The following ATAD2 variants were observed in gnomAD, a reference collection of about 807,000 sequenced individuals.
ATAD2 encodes the protein ATPase family AAA domain containing 2.
ATAD2 carries 62 observed loss-of-function variants against 168.9 expected under a neutral mutation model. The observed-to-expected ratio is 0.37, with a 90% CI of 0.30 to 0.45. The LOEUF is 0.45. ATAD2 is among the 20% of genes least tolerant of loss of function. The pLI, the probability that ATAD2 is intolerant of heterozygous loss-of-function variation, is 1.00. For missense variants in ATAD2, 1,419 were observed against 1,667.8 expected, an observed-to-expected ratio of 0.85 and a Z score of 2.60; for synonymous variants, 613 against 571.6, an observed-to-expected ratio of 1.07 and a Z score of -1.03.
Position 123,359,277 on chromosome 8 carries a change from C to T in ATAD2, c.1326G>A (p.Val442=), listed in dbSNP as rs754360821. 3 of 1,612,382 alleles carry T rather than the reference C, an allele frequency of 1.9e-6. No individual in the cohort carries two copies. The highest frequency in any genetic ancestry group is 1.7e-5 in the Admixed American group (1 of 59,762). The change falls in exon 11 of 28, where the codon GTG becomes GTA. Residue 442 remains valine (V), a synonymous_variant. Coordinates refer to ENST00000287394, the MANE Select transcript of ATAD2 (RefSeq NM_014109.4). ...CTTCTGGATAAAGTAATGGAAACACCACCATCTCTTTTAGAGCTGCTATAT... is the reference window on the plus strand; with the variant it reads ...CTTCTGGATAAAGTAATGGAAACACTACCATCTCTTTTAGAGCTGCTATAT... ...SNHIAALKEM[V]VFPLLYPEVF...
rs16898247 is a variant in ATAD2 at position 123,345,013 on chromosome 8, G to A, written c.2589C>T (p.His863=). ...APSIVYVPHI[H]VWWEIVGPTL... is the part of the protein sequence containing the mutation. ...TCGGTCCAACTATTTCCCACCACAC[G>A]TGGATATGAGGAACATACACTATAC... Residue 863 remains histidine, a synonymous_variant, in exon 19 of 28, where the codon CAC becomes CAT. Coordinates refer to ENST00000287394, the MANE Select transcript of ATAD2 (RefSeq NM_014109.4). 64,685 of 1,613,838 alleles carry A rather than the reference G, an allele frequency of 0.04. 8,330 individuals carry two copies. In the African/African-American group the frequency reaches 0.45, roughly 11 times the overall value.
At chr8:123,363,054 A>C (rs2129674814) in intron 8 of ATAD2, among the ~76,000 whole-genome samples, 1 of 152,368 alleles carries the variant, frequency 6.6e-6, no homozygotes, top group East Asian at 1.9e-4. Flanking sequence ...CAGAAAAAAC[A>C]AAGAGTCTGG....
intron 1 of ATAD2, among the ~76,000 whole-genome samples, chr8:123,404,008 A>C (rs1813039054): frequency 6.6e-6 from 1 of 152,136 alleles, no homozygotes; most frequent in South Asian, 2.1e-4. Flanking sequence ...ATTATTTTAG[A>C]CACCTGCTAC....
intron 25 of ATAD2, among the ~76,000 whole-genome samples, chr8:123,327,511 T>TA (rs3082714): frequency 1.3e-3 from 186 of 142,126 alleles, no homozygotes; most frequent in Non-Finnish European, 1.1e-3. Flanking sequence ...TATCAGCCAC[T>TA]AAAAAAAAAA....
At chr8:123,391,137 C>G (rs1036744528) in intron 1 of ATAD2, among the ~76,000 whole-genome samples, 2 of 151,008 alleles carry the variant, frequency 1.3e-5, no homozygotes, top group African/African-American at 4.9e-5. Context: ...TTTACAGAAA[C>G]CAAAGAACCT....
intron 24 of ATAD2, among the ~76,000 whole-genome samples, chr8:123,330,425 C>T (rs754454480): frequency 2.0e-5 from 3 of 152,216 alleles, no homozygotes; most frequent in Non-Finnish European, 4.4e-5. Flanking sequence ...AGTGCTGTCA[C>T]CCAGGCTCGG....
intron 1 of ATAD2, among the ~76,000 whole-genome samples, chr8:123,408,795 G>A (rs951743580): frequency 4.0e-5 from 6 of 151,880 alleles, no homozygotes; most frequent in Non-Finnish European, 7.4e-5. Flanking sequence ...GGGATTACAG[G>A]CGTGAGCCAC....
At chr8:123,356,300 T>G in intron 13 of ATAD2, 89 bp downstream of exon 13, 3 of 1,080,704 alleles carry the variant, frequency 2.8e-6, no homozygotes, top group Admixed American at 2.4e-5. Context: ...TTATAAAGTT[T>G]CTTTCACCAT....
intron 11 of ATAD2, among the ~76,000 whole-genome samples, chr8:123,358,343 G>A (rs1272163659): frequency 2.6e-5 from 4 of 151,936 alleles, no homozygotes; most frequent in Admixed American, 1.3e-4. Flanking sequence ...ACCATGCCTG[G>A]CACTTTCTAT....
chr8:123,372,816 CTGCTGGGCT>C, intron 2 of ATAD2, 130 bp from the exon 3 acceptor site: 1 of 659,616 alleles, frequency 1.5e-6, no homozygotes. Context: ...CAGCCTCAAA[CTGCTGGGCT>C]CAAGCAATAC....
intron 1 of ATAD2, among the ~76,000 whole-genome samples, chr8:123,411,362 CAA>C (rs1396852148): frequency 1.3e-5 from 2 of 152,136 alleles, no homozygotes; most frequent in African/African-American, 4.8e-5. Flanking sequence ...TACTACGCCC[CAA>C]TTCAGCAAGA....
intron 1 of ATAD2, among the ~76,000 whole-genome samples, chr8:123,386,614 T>C (rs1311781354): frequency 1.3e-5 from 2 of 152,146 alleles, no homozygotes; most frequent in African/African-American, 4.8e-5. Context: ...ACAATGTGAA[T>C]GTACTTAATG....
chr8:123,345,026 A>G lies in ATAD2; in HGVS notation c.2576T>C (p.Val859Ala). Residue 859 changes from valine to alanine, a missense_variant, in exon 19 of 28, where the codon GTT (valine) becomes GCT (alanine). Transcript: ENST00000287394. ...AKRTAPSIVY[V>A]PHIHVWWEIV... is the part of the protein sequence containing the mutation. ...TTCCCACCACACGTGGATATGAGGA[A>G]CATACACTATACTTGGTGCTGTTCT... 2 of 1,614,014 alleles carry G rather than the reference A, an allele frequency of 1.2e-6. No individual in the cohort carries two copies. The highest frequency in any genetic ancestry group is 1.7e-6 in the Non-Finnish European group (2 of 1,179,880).
intron 5 of ATAD2, 54 bp downstream of exon 5, chr8:123,371,182 T>A: frequency 7.1e-7 from 1 of 1,406,682 alleles, no homozygotes; most frequent in Admixed American, 2.1e-5. Flanking sequence ...TTAGGTACTA[T>A]AAAAAAATTA....
chr8:123,378,422 G>A (rs1002128047), intron 2 of ATAD2, among the ~76,000 whole-genome samples: 40 of 152,030 alleles, frequency 2.6e-4, no homozygotes, highest in Admixed American at 2.6e-4. Flanking sequence ...AAAATTCCAG[G>A]CCAGCGCAGT....
chr8:123,379,036 G>A (rs553936456), intron 2 of ATAD2, among the ~76,000 whole-genome samples: 1 of 151,974 alleles, frequency 6.6e-6, no homozygotes, highest in Non-Finnish European at 1.5e-5. Context: ...CGACCGAAGT[G>A]ATCCTTCTGC....
Position 123,320,509 on chromosome 8 carries a change from A to C in ATAD2, c.*625T>G, listed in dbSNP as rs1210964309. 3.3e-5 allele frequency: 5 copies of C among 152,192 alleles called. No individual in the cohort carries two copies. The highest frequency in any genetic ancestry group is 3.3e-4 in the Admixed American group (5 of 15,274). 9.4% of individuals were successfully genotyped at this position (152,192 alleles called of 1,614,324 possible). The stretch of plus-strand genomic sequence containing the variant: ...TACAAAAGTAAACCAAGAAATATTT[A>C]AAATCTTTATTAACCCAAATTAGAA... On this transcript the variant is annotated 3_prime_UTR_variant, in exon 28 of 28. Coordinates refer to ENST00000287394, the MANE Select transcript of ATAD2 (RefSeq NM_014109.4).
At chr8:123,343,795 AAG>A (rs1828144075) in intron 19 of ATAD2, among the ~76,000 whole-genome samples, 1 of 152,190 alleles carries the variant, frequency 6.6e-6, no homozygotes, top group South Asian at 2.1e-4. Flanking sequence ...GAAAAGGGAA[AAG>A]AGTGTGATGG....
In ATAD2 at chr8:123,396,441, G is replaced by T; in HGVS notation, c.-84C>A. 1.5e-6 allele frequency: 2 copies of T among 1,360,040 alleles called. No individual in the cohort carries two copies. The highest frequency in any genetic ancestry group is 1.9e-6 in the Non-Finnish European group (2 of 1,039,286). 84.2% of individuals were successfully genotyped at this position (1,360,040 alleles called of 1,614,324 possible). Reference sequence around the variant, plus strand: ...CGCAGCTCTGGCTCTTCCGCGCTCCGAATTCTGGCGCCACAAGCTCCGCGC... The same window carrying T: ...CGCAGCTCTGGCTCTTCCGCGCTCCTAATTCTGGCGCCACAAGCTCCGCGC... On this transcript the variant is annotated 5_prime_UTR_variant, in exon 1 of 28. Transcript: ENST00000287394.
Sources: gnomAD v4.1 joint callset for allele counts (sites outside exome capture counted in the v4.1 genomes callset) on GRCh38, gnomAD v4.1.1 for gene constraint, MANE v1.5 for transcripts, NCBI Gene and HGNC (gene_info 2026-07-23, HGNC 2026-07-21) for gene names.